Variants in KCNQ5 observed in about 807,000 individuals in gnomAD.
The protein encoded by KCNQ5 is potassium voltage-gated channel subfamily Q member 5.
A neutral mutation model predicts 98.2 loss-of-function variants in KCNQ5; 30 were observed. The ratio of observed to expected loss-of-function variants is 0.31; its 90% confidence interval spans 0.23 to 0.41. The LOEUF (loss-of-function observed/expected upper bound fraction) is 0.41. KCNQ5 is among the 10% of genes least tolerant of loss of function. The probability of loss-of-function intolerance (pLI) is 1.00; values close to 1 mark genes in which losing one functional copy is unlikely to be tolerated. For missense variants in KCNQ5, 835 were observed against 1,182.5 expected, an observed-to-expected ratio of 0.71 and a Z score of 4.31; for synonymous variants, 458 against 449.4, an observed-to-expected ratio of 1.02 and a Z score of -0.24.
chr6:72,721,374 G>T (rs1769950470), intron 1 of KCNQ5, among the ~76,000 whole-genome samples: 1 of 151,932 alleles, frequency 6.6e-6, no homozygotes, highest in African/African-American at 2.4e-5. Flanking sequence ...AAACTAGTGT[G>T]TAAACAAGCT....
intron 1 of KCNQ5, among the ~76,000 whole-genome samples, chr6:72,925,153 C>T (rs1402164543): frequency 3.9e-5 from 6 of 152,132 alleles, no homozygotes; most frequent in South Asian, 2.1e-4. Flanking sequence ...TGATTTTTTT[C>T]TCAGAAAGGT....
chr6:73,160,100 G>T (rs932151327), intron 10 of KCNQ5, among the ~76,000 whole-genome samples: 2 of 151,864 alleles, frequency 1.3e-5, no homozygotes, highest in African/African-American at 4.8e-5. Context: ...TGCAAGCTCC[G>T]CCTCCCGGGT....
chr6:72,764,517 A>C (rs1432010663), intron 1 of KCNQ5, among the ~76,000 whole-genome samples: 1 of 151,932 alleles, frequency 6.6e-6, no homozygotes, highest in South Asian at 2.1e-4. Flanking sequence ...TACGGGGTAC[A>C]TGAGATGTTT....
At chr6:72,908,587 T>G (rs189210170) in intron 1 of KCNQ5, among the ~76,000 whole-genome samples, 48 of 152,286 alleles carry the variant, frequency 3.2e-4, no homozygotes, top group African/African-American at 1.1e-3. Context: ...CATTTAACTA[T>G]GTCTCCAGAG....
At chr6:72,703,930 A>G (rs572711841) in intron 1 of KCNQ5, among the ~76,000 whole-genome samples, 4 of 152,272 alleles carry the variant, frequency 2.6e-5, no homozygotes, top group African/African-American at 7.2e-5. Flanking sequence ...TAAATAGTTT[A>G]CTTGTGGCTG....
intron 5 of KCNQ5, among the ~76,000 whole-genome samples, chr6:73,091,044 T>C (rs1774223840): frequency 6.6e-6 from 1 of 152,226 alleles, no homozygotes; most frequent in Admixed American, 6.5e-5. Context: ...GTAGCACTTT[T>C]CACAGTAGTA....
At chr6:73,047,545 C>T (rs755325014) in intron 3 of KCNQ5, among the ~76,000 whole-genome samples, 1 of 152,168 alleles carries the variant, frequency 6.6e-6, no homozygotes, top group Non-Finnish European at 1.5e-5. Flanking sequence ...TACAAGACAG[C>T]TTGATTAGCT....
intron 10 of KCNQ5, among the ~76,000 whole-genome samples, chr6:73,142,855 G>T (rs1440223553): frequency 1.3e-5 from 2 of 152,160 alleles, no homozygotes; most frequent in Non-Finnish European, 2.9e-5. Context: ...AGAGGAGGTT[G>T]CAGTGAGCTG....
At chr6:72,693,962 C>T (rs1768348294) in intron 1 of KCNQ5, among the ~76,000 whole-genome samples, 1 of 152,014 alleles carries the variant, frequency 6.6e-6, no homozygotes, top group African/African-American at 2.4e-5. Flanking sequence ...TTATTTTTCA[C>T]TGAATTTTGG....
Position 72,918,953 on chromosome 6 carries a change from G to C in KCNQ5, c.399-84955G>C, listed in dbSNP as rs1166163028. ...GCCTTCTCTTCTCCCCTCTTGCCTTGTCTTCTCTCGTCTTCTTTTCTCTCT... is the reference window on the plus strand; with the variant it reads ...GCCTTCTCTTCTCCCCTCTTGCCTTCTCTTCTCTCGTCTTCTTTTCTCTCT... On this transcript the variant is annotated intron_variant, in intron 1 of 13. Coordinates refer to ENST00000370398, the MANE Select transcript of KCNQ5 (RefSeq NM_019842.4). Among the ~76,000 whole-genome samples, 3 of 152,112 alleles carry C rather than the reference G, an allele frequency of 2.0e-5. No individual in the cohort carries two copies. In the East Asian group the frequency reaches 5.8e-4, roughly 29 times the overall value.
chr6:72,838,197 T>C (rs1464442801), intron 1 of KCNQ5, among the ~76,000 whole-genome samples: 1 of 144,582 alleles, frequency 6.9e-6, no homozygotes, highest in African/African-American at 2.6e-5. Flanking sequence ...ACTCTCTAAA[T>C]AGGATATCAA....
intron 1 of KCNQ5, chr6:72,986,729 C>T: frequency 2.8e-6 from 4 of 1,445,860 alleles, no homozygotes; most frequent in Non-Finnish European, 3.9e-6. Flanking sequence ...AGCCATGTCC[C>T]ATGCCTCTGG....
intron 1 of KCNQ5, among the ~76,000 whole-genome samples, chr6:72,908,009 A>C (rs922188737): frequency 6.6e-6 from 1 of 152,138 alleles, no homozygotes; most frequent in African/African-American, 2.4e-5. Flanking sequence ...TAGCACATAC[A>C]ATGAACCATG....
intron 1 of KCNQ5, among the ~76,000 whole-genome samples, chr6:72,691,756 T>C (rs1173945153): frequency 6.6e-6 from 1 of 152,214 alleles, no homozygotes; most frequent in East Asian, 1.9e-4. Flanking sequence ...AAAATTAACA[T>C]TGTTCACTGG....
chr6:72,966,139 G>C (rs746120353), intron 1 of KCNQ5, among the ~76,000 whole-genome samples: 2 of 152,098 alleles, frequency 1.3e-5, no homozygotes, highest in Admixed American at 6.6e-5. Flanking sequence ...AGCCCAAGAA[G>C]AATTTCTTGT....
At chr6:73,055,610 A>G in intron 3 of KCNQ5, 1 of 1,276,020 alleles carries the variant, frequency 7.8e-7, no homozygotes, top group Admixed American at 1.7e-5. Flanking sequence ...ATTTCCCCAG[A>G]TCAAGGAGGG....
At chr6:73,055,942 C>G (rs540927595) in intron 3 of KCNQ5, 2 of 433,576 alleles carry the variant, frequency 4.6e-6, no homozygotes, top group African/African-American at 4.1e-5. Flanking sequence ...CATCTATAGA[C>G]ATCTTGAGTT....
chr6:72,657,725 C>T (rs1242050719), intron 1 of KCNQ5, among the ~76,000 whole-genome samples: 2 of 152,170 alleles, frequency 1.3e-5, no homozygotes, highest in Admixed American at 1.3e-4. Flanking sequence ...TGATGCTATG[C>T]TATGTTATAG....
chr6:73,119,159 GAA>G (rs1297516896), intron 7 of KCNQ5, among the ~76,000 whole-genome samples: 1 of 152,168 alleles, frequency 6.6e-6, no homozygotes, highest in Non-Finnish European at 1.5e-5. Context: ...TCATTAAAAA[GAA>G]AGAAATTTAC....
Sources: gnomAD v4.1 joint callset for allele counts (sites outside exome capture counted in the v4.1 genomes callset) on GRCh38, gnomAD v4.1.1 for gene constraint, MANE v1.5 for transcripts, NCBI Gene and HGNC (gene_info 2026-07-23, HGNC 2026-07-21) for gene names.